The following CSMD3 variants were observed in gnomAD, a reference collection of about 807,000 sequenced individuals.
CSMD3 encodes the protein CUB and Sushi multiple domains 3, also known as CUB and sushi domain-containing protein 3.
A neutral mutation model predicts 435.2 loss-of-function variants in CSMD3; 177 were observed. That is an observed-to-expected ratio of 0.41 (90% confidence interval 0.36 to 0.46). CSMD3 has a LOEUF of 0.46. CSMD3 is among the 20% of genes least tolerant of loss of function. CSMD3 has a pLI of 0.34. For missense variants in CSMD3, 4,265 were observed against 4,504.6 expected (o/e 0.95, Z 1.52); for synonymous variants, 1,656 against 1,520.5 (o/e 1.09, Z -2.07).
At chr8:113,172,270 AT>A (rs2092281075) in intron 4 of CSMD3, among the ~76,000 whole-genome samples, 1 of 152,156 alleles carries the variant, frequency 6.6e-6, no homozygotes, top group South Asian at 2.1e-4. Context: ...TAGAGCAATT[AT>A]TTTTAAATAT....
At chr8:113,052,095 C>T (rs1323162672) in intron 5 of CSMD3, among the ~76,000 whole-genome samples, 1 of 152,146 alleles carries the variant, frequency 6.6e-6, no homozygotes, top group Non-Finnish European at 1.5e-5. Context: ...CTTTACAATA[C>T]ATGTAGTTAC....
At chr8:112,664,208 A>G (rs1011303532) in intron 17 of CSMD3, among the ~76,000 whole-genome samples, 5 of 152,168 alleles carry the variant, frequency 3.3e-5, no homozygotes, top group Non-Finnish European at 7.4e-5. Flanking sequence ...ATTCTGATAG[A>G]TTGACAAATA....
chr8:113,387,913 A>T (rs1304971309), intron 1 of CSMD3, among the ~76,000 whole-genome samples: 1 of 151,662 alleles, frequency 6.6e-6, no homozygotes, highest in Non-Finnish European at 1.5e-5. Flanking sequence ...TTTGACACCT[A>T]ATACTGTAGT....
At chr8:112,753,091 A>AC in intron 13 of CSMD3, among the ~76,000 whole-genome samples, 1 of 152,136 alleles carries the variant, frequency 6.6e-6, no homozygotes, top group East Asian at 1.9e-4. Flanking sequence ...ACATCCAGCT[A>AC]TTTTTTTATC....
intron 28 of CSMD3, among the ~76,000 whole-genome samples, chr8:112,510,105 T>TCCA (rs1381762130): frequency 6.6e-6 from 1 of 152,160 alleles, no homozygotes; most frequent in Non-Finnish European, 1.5e-5. Flanking sequence ...CTGCCAGGAC[T>TCCA]CCACCCTGTA....
rs574322891 is a variant in CSMD3, at chr8:112,576,486, A to G, written c.3886-2829T>C. On this transcript the variant is annotated intron_variant, in intron 23 of 70. Transcript: ENST00000297405. ...CAAATTAACACAAAATTGTCTGTAT[A>G]TTAGATTAGAAGCACACAGCATACA... Among the ~76,000 whole-genome samples the G allele has an allele frequency of 1.1e-3, 165 of 152,162 alleles. 3 individuals carry two copies. The South Asian group carries it at 0.033, about 30-fold the overall frequency.
At chr8:112,537,951 T>C (rs1826292274) in intron 27 of CSMD3, among the ~76,000 whole-genome samples, 1 of 151,968 alleles carries the variant, frequency 6.6e-6, no homozygotes, top group African/African-American at 2.4e-5. Context: ...AACCAAATAC[T>C]AGCAAATTGA....
chr8:113,034,370 T>A (rs1361398621), intron 5 of CSMD3, among the ~76,000 whole-genome samples: 2 of 151,530 alleles, frequency 1.3e-5, no homozygotes, highest in African/African-American at 4.8e-5. Flanking sequence ...TACAGATACA[T>A]GCTATAACAT....
chr8:113,197,701 T>G (rs1274807390), intron 3 of CSMD3, among the ~76,000 whole-genome samples: 1 of 151,340 alleles, frequency 6.6e-6, no homozygotes, highest in Non-Finnish European at 1.5e-5. Context: ...ATACACATTT[T>G]AAAACGATCT....
chr8:113,069,458 T>C (rs1055877415), intron 5 of CSMD3, among the ~76,000 whole-genome samples: 5 of 152,148 alleles, frequency 3.3e-5, no homozygotes, highest in African/African-American at 1.2e-4. Context: ...ATTCCATGAA[T>C]GTAAACTTGG....
chr8:113,222,216 T>C (rs2132135190), intron 3 of CSMD3, among the ~76,000 whole-genome samples: 1 of 151,394 alleles, frequency 6.6e-6, no homozygotes, highest in East Asian at 1.9e-4. Flanking sequence ...TTAAAATCTG[T>C]TATTTTTCCT....
At position 112,236,277 on chromosome 8, in the gene CSMD3, T is replaced by C. The variant is rs1227963219; in HGVS notation, c.10627+913A>G. 3.3e-5 allele frequency among the ~76,000 whole-genome samples: 5 copies of C among 152,106 alleles called. No individual in the cohort carries two copies. The East Asian group carries it at 9.7e-4, about 29-fold the overall frequency. On this transcript the variant is annotated intron_variant, in intron 67 of 70. Transcript: ENST00000297405. ...CAAGAATTTTACAGTTTATATTTCA[T>C]ATTTGCAATATCAAATATCATAGTG...
At chr8:112,764,922 A>T (rs944921974) in intron 13 of CSMD3, among the ~76,000 whole-genome samples, 1 of 151,644 alleles carries the variant, frequency 6.6e-6, no homozygotes, top group African/African-American at 2.4e-5. Context: ...TTATATGTAG[A>T]GAAAAGATTA....
At chr8:112,813,548 G>A (rs1396838198) in intron 12 of CSMD3, among the ~76,000 whole-genome samples, 1 of 151,868 alleles carries the variant, frequency 6.6e-6, no homozygotes. Context: ...TTTTGCGGGA[G>A]GGGGAAGGGA....
At chr8:112,409,083 C>G (rs775367310) in intron 32 of CSMD3, 51 bp from the exon 33 acceptor site, 34 of 1,608,832 alleles carry the variant, frequency 2.1e-5, no homozygotes, top group Non-Finnish European at 2.6e-5. Context: ...CATCCAAAAA[C>G]GAAAACAAAA....
rs2130754405 is a variant in CSMD3, at chr8:112,472,671, G to T, written c.5315C>A (p.Thr1772Asn). Reference sequence around the variant, plus strand: ...TTTTGGATAGTTTGGTGATAGAACAGTGCCTTCTGAACCTGTTGAACGACT... The same window carrying T: ...TTTTGGATAGTTTGGTGATAGAACATTGCCTTCTGAACCTGTTGAACGACT... ...CGSRSTGSEG[T>N]VLSPNYPKNY... Residue 1772 changes from threonine (T) to asparagine (N), a missense_variant, in exon 32 of 71, where the codon ACT (threonine) becomes AAT (asparagine). Thr to Asn is a moderately conservative substitution (Grantham distance 65, BLOSUM62 0). Around this residue, in one of 3 missense-constraint regions of CSMD3, gnomAD observed 3,255 missense variants for 3,380.2 expected, o/e 0.96. Transcript: ENST00000297405. 2 of 1,611,890 alleles carry T rather than the reference G, an allele frequency of 1.2e-6. No homozygotes were observed. The highest frequency in any genetic ancestry group is 1.7e-6 in the Non-Finnish European group (2 of 1,178,222).
chr8:113,045,479 A>G (rs2087790489), intron 5 of CSMD3, among the ~76,000 whole-genome samples: 1 of 149,530 alleles, frequency 6.7e-6, no homozygotes, highest in African/African-American at 2.4e-5. Flanking sequence ...TCTATATGCC[A>G]CTAAATTCTA....
chr8:113,324,600 T>C (rs976664643), intron 1 of CSMD3, among the ~76,000 whole-genome samples: 2 of 152,146 alleles, frequency 1.3e-5, no homozygotes, highest in African/African-American at 4.8e-5. Context: ...GTTTTCTGCA[T>C]GGGCAGGGTC....
At chr8:112,629,558 T>C (rs2074455634) in intron 22 of CSMD3, among the ~76,000 whole-genome samples, 1 of 152,190 alleles carries the variant, frequency 6.6e-6, no homozygotes, top group Non-Finnish European at 1.5e-5. Context: ...TTGGCATGTT[T>C]TCAAGTGGCA....
Sources: gnomAD v4.1 joint callset for allele counts (sites outside exome capture counted in the v4.1 genomes callset) on GRCh38, gnomAD v4.1.1 for gene constraint, gnomAD v4.1.1 regional missense constraint, MANE v1.5 for transcripts, NCBI Gene and HGNC (gene_info 2026-07-23, HGNC 2026-07-21) for gene names.